RFX7: variants seen among roughly 807,000 people sequenced by gnomAD.
RFX7 encodes regulatory factor X7.
Under a neutral mutation model 111.8 loss-of-function variants are expected in RFX7, and 26 were observed. That is an observed-to-expected ratio of 0.23 (90% CI 0.17 to 0.32). The LOEUF is 0.32. RFX7 is among the 10% of genes least tolerant of loss of function. The pLI is 1.00. For synonymous variants in RFX7, 624 were observed against 624.4 expected (o/e 1.00, Z 0.01); for missense variants, 1,573 against 1,772.9 (o/e 0.89, Z 2.02).
intron 5 of RFX7, among the ~76,000 whole-genome samples, chr15:56,119,790 A>G (rs1448702489): frequency 3.3e-5 from 5 of 151,546 alleles, no homozygotes; most frequent in Non-Finnish European, 5.9e-5. Flanking sequence ...AAAAAAAAAA[A>G]AAAAGAAAGA....
At position 56,087,650 on chromosome 15, in the gene RFX7, T is replaced by G. The variant is rs2041544827; in HGVS notation, c.*5695A>C. 1 of 435,900 alleles carries G rather than the reference T, an allele frequency of 2.3e-6. No homozygotes were observed. The highest frequency in any genetic ancestry group is 4.6e-6 in the Non-Finnish European group (1 of 216,020). The allele number at this position is 435,900 out of a possible 1,614,324, so 27.0% of individuals were successfully genotyped here. ...TGCTCAGCTAAAAATCAAGGACTTT[T>G]ACAGTAAAGAAGAAGGGGAGAATGC... is the stretch of plus-strand genomic sequence containing the variant. On this transcript the variant is annotated 3_prime_UTR_variant, in exon 10 of 10. Coordinates refer to ENST00000559447, the MANE Select transcript of RFX7 (RefSeq NM_022841.7).
Position 56,095,576 on chromosome 15 carries a change from C to T in RFX7, c.2152G>A (p.Val718Ile). The change falls in exon 10 of 10, where the codon GTA becomes ATA. Residue 718 changes from valine (V) to isoleucine (I), a missense_variant. Physicochemically the swap from Val to Ile is conservative, Grantham distance 29 (BLOSUM62 3). This residue lies in a region of RFX7 where 625 missense variants were observed against 632.2 expected (regional missense o/e 0.99). Transcript: ENST00000559447. ...ATGTGTGAACTGACATTTACTGATA[C>T]CTTGCTAGGAATCTGAGCACCTGCT... ...STAGAQIPSK[V>I]SVNVSSHIGA... The T allele has an allele frequency of 1.2e-6, 2 of 1,613,928 alleles. No individual in the cohort carries two copies. The highest frequency in any genetic ancestry group is 1.1e-5 in the South Asian group (1 of 91,076).
intron 5 of RFX7, among the ~76,000 whole-genome samples, chr15:56,114,275 G>A (rs1234550855): frequency 6.6e-6 from 1 of 151,890 alleles, no homozygotes; most frequent in Non-Finnish European, 1.5e-5. Flanking sequence ...ACTGGGCATG[G>A]TGGTGGGCGC....
intron 5 of RFX7, among the ~76,000 whole-genome samples, chr15:56,119,918 T>C (rs2042055043): frequency 6.6e-6 from 1 of 152,188 alleles, no homozygotes; most frequent in African/African-American, 2.4e-5. Context: ...TACAGCTCTA[T>C]AGTATAATTT....
rs1566998901 is a variant in RFX7, at chr15:56,088,418, CTATA to C, written c.*4923_*4926del. 2 of 152,180 alleles carry C rather than the reference CTATA, an allele frequency of 1.3e-5. No homozygotes were observed. Among genetic ancestry groups the C allele is most frequent in the African/African-American group, 4.8e-5 (2 of 41,448 alleles). The allele number at this position is 152,180 out of a possible 1,614,324, so 9.4% of individuals were successfully genotyped here. ...ACTGGGTCTAATGCAAAGAAATACT[CTATA>C]TACCACAGTAATATCACTCTCATGA... On this transcript the variant is annotated 3_prime_UTR_variant, in exon 10 of 10. Transcript: ENST00000559447.
At chr15:56,166,670 C>A (rs576276305) in intron 3 of RFX7, among the ~76,000 whole-genome samples, 12 of 152,112 alleles carry the variant, frequency 7.9e-5, no homozygotes, top group African/African-American at 2.7e-4. Context: ...ACATACTGCA[C>A]AAATAAGGTT....
At chr15:56,171,831 C>T (rs376904594) in intron 3 of RFX7, among the ~76,000 whole-genome samples, 2 of 152,072 alleles carry the variant, frequency 1.3e-5, no homozygotes, top group South Asian at 2.1e-4. Flanking sequence ...TAAAACTGAT[C>T]AGCTGATAAA....
In RFX7 at chr15:56,147,260, A is replaced by G. The variant is rs577519203; in HGVS notation, c.196-2777T>C. Among the ~76,000 whole-genome samples the G allele has an allele frequency of 7.9e-5, 12 of 152,332 alleles. No individual in the cohort carries two copies. The East Asian group carries it at 2.3e-3, about 29-fold the overall frequency. ...AAAAATTATAATTTTTTATTTAGCCATAAAAGGAATGGAGTACTGATACAT... is the reference window on the plus strand; with the variant it reads ...AAAAATTATAATTTTTTATTTAGCCGTAAAAGGAATGGAGTACTGATACAT... On this transcript the variant is annotated intron_variant, in intron 3 of 9. Transcript: ENST00000559447.
At chr15:56,139,710 A>T (rs1312174183) in intron 5 of RFX7, among the ~76,000 whole-genome samples, 2 of 151,904 alleles carry the variant, frequency 1.3e-5, no homozygotes, top group African/African-American at 4.8e-5. Flanking sequence ...TAGAGTTTCC[A>T]GTTTTTCTGT....
At chr15:56,107,555 T>C (rs1343311856) in intron 5 of RFX7, among the ~76,000 whole-genome samples, 1 of 152,066 alleles carries the variant, frequency 6.6e-6, no homozygotes, top group African/African-American at 2.4e-5. Context: ...TGTGGTAAAA[T>C]ATAGTCATGG....
chr15:56,101,615 TAA>T (rs1491107999), intron 7 of RFX7, 49 bp from the exon 8 acceptor site: 1 of 1,460,138 alleles, frequency 6.8e-7, no homozygotes, highest in Non-Finnish European at 9.6e-7. Flanking sequence ...CCAGAGAAAT[TAA>T]ATTGAAGCAT....
At chr15:56,107,452 TAATA>T (rs1197300532) in intron 5 of RFX7, among the ~76,000 whole-genome samples, 2 of 152,036 alleles carry the variant, frequency 1.3e-5, no homozygotes, top group Non-Finnish European at 2.9e-5. Context: ...ATTCAGTCTT[TAATA>T]TTCATTCATG....
chr15:56,112,021 A>G (rs1001857594), intron 5 of RFX7, among the ~76,000 whole-genome samples: 4 of 151,966 alleles, frequency 2.6e-5, no homozygotes, highest in Non-Finnish European at 4.4e-5. Context: ...AGGCTGAGGC[A>G]GGAGAATCAC....
intron 2 of RFX7, among the ~76,000 whole-genome samples, chr15:56,236,982 G>C (rs1295656267): frequency 1.3e-5 from 2 of 151,824 alleles, no homozygotes; most frequent in Non-Finnish European, 2.9e-5. Flanking sequence ...GTAGCAATAA[G>C]CAAGTCCTCC....
At chr15:56,223,098 C>T (rs1252810914) in intron 2 of RFX7, among the ~76,000 whole-genome samples, 4 of 152,182 alleles carry the variant, frequency 2.6e-5, no homozygotes, top group African/African-American at 9.7e-5. Context: ...AGCGAGACCT[C>T]TCCAATTTAG....
intron 3 of RFX7, among the ~76,000 whole-genome samples, chr15:56,171,892 G>A (rs1250152413): frequency 6.6e-6 from 1 of 152,128 alleles, no homozygotes; most frequent in Non-Finnish European, 1.5e-5. Context: ...ATAATTAGGA[G>A]TCATTGGTAT....
At chr15:56,124,942 T>A (rs1331002566) in intron 5 of RFX7, among the ~76,000 whole-genome samples, 1 of 152,250 alleles carries the variant, frequency 6.6e-6, no homozygotes, top group Admixed American at 6.5e-5. Flanking sequence ...TGCAGGCCAA[T>A]GTCCTGAAGT....
intron 3 of RFX7, among the ~76,000 whole-genome samples, chr15:56,172,771 G>A (rs529090902): frequency 9.8e-5 from 15 of 152,298 alleles, no homozygotes; most frequent in South Asian, 4.1e-4. Flanking sequence ...AGGTTTAGTG[G>A]AGAATAGTGG....
At chr15:56,244,152 G>T (rs1448072923), upstream of RFX7, 4 of 152,238 alleles carry the variant, frequency 2.6e-5, no homozygotes, top group African/African-American at 9.7e-5. Flanking sequence ...TATTTGGCGT[G>T]GAAATGGGAT....
Sources: gnomAD v4.1 joint callset for allele counts (sites outside exome capture counted in the v4.1 genomes callset) on GRCh38, gnomAD v4.1.1 for gene constraint, gnomAD v4.1.1 regional missense constraint, MANE v1.5 for transcripts, NCBI Gene and HGNC (gene_info 2026-07-23, HGNC 2026-07-21) for gene names.